Variants in MECOM observed in about 807,000 individuals in gnomAD.
MECOM encodes the protein MDS1 and EVI1 complex locus, also known as histone-lysine N-methyltransferase MECOM.
Under a neutral mutation model 116.3 loss-of-function variants are expected in MECOM, and 13 were observed. That is an observed-to-expected ratio of 0.11 (90% CI 0.07 to 0.18). The LOEUF is 0.18. Ranked by LOEUF, MECOM falls within the 10% of genes least tolerant of loss-of-function variation. The probability of loss-of-function intolerance (pLI) is 1.00; values close to 1 mark genes in which losing one functional copy is unlikely to be tolerated. For missense variants in MECOM, 1,299 were observed against 1,509.0 expected (o/e 0.86, Z 2.31); for synonymous variants, 528 against 535.2 (o/e 0.99, Z 0.19).
chr3:169,482,151 A>G (rs1043727206), intron 1 of MECOM, among the ~76,000 whole-genome samples: 1 of 131,008 alleles, frequency 7.6e-6, no homozygotes, highest in African/African-American at 3.3e-5. Flanking sequence ...CTTATTAGAG[A>G]AAAAAAAAGC....
At chr3:169,296,596 A>AAAGATTGTTTACCAGCTTTTCC (rs1715651527) in intron 2 of MECOM, among the ~76,000 whole-genome samples, 2 of 152,180 alleles carry the variant, frequency 1.3e-5, no homozygotes, top group African/African-American at 4.8e-5. Flanking sequence ...TAGTTCCCCT[A>AAAGATTGTTTACCAGCTTTTCC]AAGATTGTTT....
chr3:169,317,801 A>G (rs756198771), intron 2 of MECOM, among the ~76,000 whole-genome samples: 5 of 152,230 alleles, frequency 3.3e-5, no homozygotes, highest in Non-Finnish European at 7.3e-5. Flanking sequence ...AGCAAAAAAG[A>G]GCCCGTATAG....
At chr3:169,225,649 G>A (rs189032190) in intron 2 of MECOM, among the ~76,000 whole-genome samples, 22 of 152,248 alleles carry the variant, frequency 1.4e-4, no homozygotes, top group East Asian at 3.9e-4. Context: ...TTGCTCTGTC[G>A]TCCAGGCTGG....
intron 1 of MECOM, among the ~76,000 whole-genome samples, chr3:169,476,519 G>A (rs931407956): frequency 1.3e-5 from 2 of 152,106 alleles, no homozygotes; most frequent in Non-Finnish European, 2.9e-5. Flanking sequence ...TCAGCGGCAG[G>A]GGCACATCAA....
intron 2 of MECOM, among the ~76,000 whole-genome samples, chr3:169,379,055 G>A (rs1197327804): frequency 6.6e-6 from 1 of 151,740 alleles, no homozygotes. Flanking sequence ...AAGATGACAT[G>A]GGGACAAATA....
intron 2 of MECOM, among the ~76,000 whole-genome samples, chr3:169,321,942 A>AT (rs573338957): frequency 9.4e-4 from 143 of 152,162 alleles, no homozygotes; most frequent in African/African-American, 3.1e-3. Context: ...CACCGAAGTG[A>AT]TTTTTTTTCC....
At chr3:169,330,714 C>A (rs1722582380) in intron 2 of MECOM, among the ~76,000 whole-genome samples, 1 of 151,232 alleles carries the variant, frequency 6.6e-6, no homozygotes, top group African/African-American at 2.4e-5. Flanking sequence ...TGATTTTGAC[C>A]TTTTTCCAAA....
intron 1 of MECOM, among the ~76,000 whole-genome samples, chr3:169,588,279 C>T (rs989757431): frequency 1.3e-5 from 2 of 152,092 alleles, no homozygotes; most frequent in Non-Finnish European, 2.9e-5. Context: ...CCAAGGCTGC[C>T]GTGACTTATA....
intron 8 of MECOM, among the ~76,000 whole-genome samples, chr3:169,114,305 C>T (rs373029521): frequency 7.9e-5 from 12 of 152,192 alleles, no homozygotes; most frequent in South Asian, 6.2e-4. Flanking sequence ...TTTGTATTGT[C>T]CTTTGATACT....
intron 2 of MECOM, among the ~76,000 whole-genome samples, chr3:169,338,600 G>GGGGTGTGT (rs1553811020): frequency 6.8e-6 from 1 of 146,442 alleles, no homozygotes; most frequent in African/African-American, 2.5e-5. Context: ...TTATGTTAGG[G>GGGGTGTGT]GTGTGTGTGT....
At chr3:169,332,583 A>T (rs1722936550) in intron 2 of MECOM, among the ~76,000 whole-genome samples, 1 of 152,214 alleles carries the variant, frequency 6.6e-6, no homozygotes, top group Non-Finnish European at 1.5e-5. Context: ...ATATAAGGGC[A>T]AAATACAATC....
chr3:169,583,922 C>A (rs1467746607), intron 1 of MECOM, among the ~76,000 whole-genome samples: 1 of 152,034 alleles, frequency 6.6e-6, no homozygotes, highest in Admixed American at 6.6e-5. Context: ...ATTTTAAAAT[C>A]AATTATTTGA....
At chr3:169,471,357 C>A (rs1749203045) in intron 1 of MECOM, among the ~76,000 whole-genome samples, 1 of 118,784 alleles carries the variant, frequency 8.4e-6, no homozygotes, top group South Asian at 2.7e-4. Context: ...TCTAAGTTTA[C>A]CTCAGGAAAA....
intron 1 of MECOM, among the ~76,000 whole-genome samples, chr3:169,421,415 T>C (rs576276109): frequency 1.3e-5 from 2 of 152,192 alleles, no homozygotes; most frequent in African/African-American, 4.8e-5. Flanking sequence ...ATTTTTCCTT[T>C]CTCCCCATGA....
intron 1 of MECOM, among the ~76,000 whole-genome samples, chr3:169,411,898 G>A (rs1376425544): frequency 2.0e-5 from 3 of 152,166 alleles, no homozygotes; most frequent in South Asian, 4.1e-4. Flanking sequence ...GGCCGAGGCA[G>A]GAGAATCGCT....
intron 1 of MECOM, among the ~76,000 whole-genome samples, chr3:169,553,182 A>G (rs966091455): frequency 5.3e-5 from 8 of 152,148 alleles, no homozygotes; most frequent in African/African-American, 1.9e-4. Context: ...TCAATCCTCA[A>G]CAAATAAATA....
At chr3:169,486,028 TA>T (rs1388406901) in intron 1 of MECOM, among the ~76,000 whole-genome samples, 1 of 107,322 alleles carries the variant, frequency 9.3e-6, no homozygotes, top group East Asian at 3.7e-4. Context: ...GTATATATAG[TA>T]TATATATATA....
chr3:169,348,785 C>T (rs1478985745), intron 2 of MECOM, among the ~76,000 whole-genome samples: 3 of 151,948 alleles, frequency 2.0e-5, no homozygotes, highest in Non-Finnish European at 4.4e-5. Flanking sequence ...GTCTTTAAAA[C>T]ATTTTAGTCA....
At chr3:169,112,974 A>T in intron 8 of MECOM, 100 bp from the exon 9 acceptor site, 1 of 858,882 alleles carries the variant, frequency 1.2e-6, no homozygotes, top group South Asian at 1.6e-5. Context: ...AGTCAATGGT[A>T]GGTTTCTGGG....
Sources: allele counts gnomAD v4.1 joint callset (sites outside exome capture counted in the v4.1 genomes callset), GRCh38; gene constraint gnomAD v4.1.1; transcripts MANE v1.5; gene names NCBI Gene and HGNC (gene_info 2026-07-23, HGNC 2026-07-21).